Variants in PARD3 observed in about 807,000 individuals in gnomAD.
The protein encoded by PARD3 is par-3 family cell polarity regulator, also known as partitioning defective 3 homolog.
PARD3 carries 75 observed loss-of-function variants against 155.4 expected under a neutral mutation model. That is an observed-to-expected ratio of 0.48 (90% CI 0.40 to 0.58). The LOEUF (loss-of-function observed/expected upper bound fraction) is 0.58, where lower values mean the gene tolerates loss of function less well. Ranked by LOEUF, PARD3 falls within the 20% of genes least tolerant of loss-of-function variation. The probability of loss-of-function intolerance (pLI) is 0.00; values close to 1 mark genes in which losing one functional copy is unlikely to be tolerated. For missense variants in PARD3, 1,642 were observed against 1,721.7 expected (o/e 0.95, Z 0.82); for synonymous variants, 576 against 610.5 (o/e 0.94, Z 0.83).
intron 20 of PARD3, among the ~76,000 whole-genome samples, chr10:34,305,678 T>C (rs1957371767): frequency 6.6e-6 from 1 of 152,236 alleles, no homozygotes; most frequent in Non-Finnish European, 1.5e-5. Context: ...CAGTCTTATG[T>C]AGAGAATACT....
chr10:34,711,855 C>T (rs1378036801), intron 1 of PARD3, among the ~76,000 whole-genome samples: 1 of 152,168 alleles, frequency 6.6e-6, no homozygotes, highest in Non-Finnish European at 1.5e-5. Flanking sequence ...ACCCTTTATC[C>T]TGTCCCTCAG....
intron 1 of PARD3, among the ~76,000 whole-genome samples, chr10:34,808,494 C>A (rs1843679284): frequency 6.6e-6 from 1 of 152,142 alleles, no homozygotes; most frequent in Admixed American, 6.5e-5. Flanking sequence ...GCTCTACTGC[C>A]ATTGACCTTG....
chr10:34,399,026 G>C (rs1843629808), intron 7 of PARD3, among the ~76,000 whole-genome samples: 1 of 152,158 alleles, frequency 6.6e-6, no homozygotes, highest in Non-Finnish European at 1.5e-5. Flanking sequence ...TTCATCTGGA[G>C]TTCTGACTTG....
intron 2 of PARD3, among the ~76,000 whole-genome samples, chr10:34,629,337 T>C (rs2092143220): frequency 6.6e-6 from 1 of 152,226 alleles, no homozygotes. Flanking sequence ...TGATCTCTCT[T>C]TATAGCCCTT....
intron 21 of PARD3, among the ~76,000 whole-genome samples, chr10:34,272,033 C>T (rs538636427): frequency 4.6e-5 from 7 of 152,168 alleles, no homozygotes; most frequent in Non-Finnish European, 8.8e-5. Flanking sequence ...GAAAACTACA[C>T]AATGCTGCAG....
At chr10:34,776,908 C>T (rs1308996574) in intron 1 of PARD3, among the ~76,000 whole-genome samples, 3 of 150,320 alleles carry the variant, frequency 2.0e-5, no homozygotes, top group Non-Finnish European at 2.9e-5. Flanking sequence ...ACAATCTCAG[C>T]TCACTGCAAC....
intron 20 of PARD3, among the ~76,000 whole-genome samples, chr10:34,285,223 T>C (rs916354266): frequency 2.6e-5 from 4 of 152,182 alleles, no homozygotes; most frequent in African/African-American, 9.7e-5. Flanking sequence ...GAGTATTTCT[T>C]TCTGAAGAAT....
intron 1 of PARD3, among the ~76,000 whole-genome samples, chr10:34,807,627 T>C (rs1048690878): frequency 6.6e-6 from 1 of 152,232 alleles, no homozygotes; most frequent in South Asian, 2.1e-4. Flanking sequence ...CTTGCTGCTA[T>C]GAACACTGAT....
intron 2 of PARD3, among the ~76,000 whole-genome samples, chr10:34,552,165 A>G (rs1268530741): frequency 6.6e-6 from 1 of 152,224 alleles, no homozygotes; most frequent in East Asian, 1.9e-4. Flanking sequence ...AAGCTGGAGT[A>G]CAGTGGTAAA....
intron 15 of PARD3, chr10:34,344,738 C>CT (rs1404463797): frequency 4.1e-6 from 4 of 985,306 alleles, no homozygotes; most frequent in Admixed American, 6.1e-5. Flanking sequence ...TGTGGAAATT[C>CT]TGTCAAAAGA....
At chr10:34,598,425 C>T (rs1221869410) in intron 2 of PARD3, among the ~76,000 whole-genome samples, 2 of 152,174 alleles carry the variant, frequency 1.3e-5, no homozygotes, top group Non-Finnish European at 2.9e-5. Context: ...AATAGTCCAC[C>T]CTTGACTTAT....
At chr10:34,451,353 A>G (rs1298083118) in intron 4 of PARD3, among the ~76,000 whole-genome samples, 1 of 152,192 alleles carries the variant, frequency 6.6e-6, no homozygotes, top group African/African-American at 2.4e-5. Flanking sequence ...CACTTAACTC[A>G]GTACACCAAG....
intron 21 of PARD3, among the ~76,000 whole-genome samples, chr10:34,273,628 T>C (rs1347340104): frequency 1.3e-5 from 2 of 152,200 alleles, no homozygotes; most frequent in Admixed American, 6.5e-5. Context: ...ACTACAGTTA[T>C]CTAACTTAAC....
chr10:34,237,130 A>T (rs1425430431), intron 22 of PARD3, among the ~76,000 whole-genome samples: 2 of 152,180 alleles, frequency 1.3e-5, no homozygotes, highest in Non-Finnish European at 2.9e-5. Context: ...TAAACTCTTA[A>T]CCACAGATGA....
chr10:34,604,405 C>A (rs1013017396), intron 2 of PARD3, among the ~76,000 whole-genome samples: 13 of 151,998 alleles, frequency 8.6e-5, no homozygotes, highest in South Asian at 8.3e-4. Context: ...GGCCTAGCCT[C>A]CCAGCCCACA....
chr10:34,152,974 G>A (rs1162322530), intron 22 of PARD3, among the ~76,000 whole-genome samples: 2 of 152,184 alleles, frequency 1.3e-5, no homozygotes, highest in East Asian at 1.9e-4. Context: ...ACATGACAAA[G>A]CTAATAAACT....
intron 14 of PARD3, among the ~76,000 whole-genome samples, chr10:34,349,651 G>A (rs1198209343): frequency 7.2e-6 from 1 of 138,730 alleles, no homozygotes; most frequent in East Asian, 2.3e-4. Flanking sequence ...AACAAGTATG[G>A]TTTTTAAATT....
At chr10:34,762,790 G>A (rs1837624527) in intron 1 of PARD3, among the ~76,000 whole-genome samples, 1 of 152,160 alleles carries the variant, frequency 6.6e-6, no homozygotes, top group Non-Finnish European at 1.5e-5. Flanking sequence ...CAGTGAAGAT[G>A]AGCCATAGAC....
At chr10:34,687,385 T>A (rs1167734632) in intron 2 of PARD3, among the ~76,000 whole-genome samples, 1 of 152,264 alleles carries the variant, frequency 6.6e-6, no homozygotes, top group South Asian at 2.1e-4. Context: ...AGTTTCTTTT[T>A]CTTCCCAACA....
Sources: gnomAD v4.1 joint callset for allele counts (sites outside exome capture counted in the v4.1 genomes callset) on GRCh38, gnomAD v4.1.1 for gene constraint, MANE v1.5 for transcripts, NCBI Gene and HGNC (gene_info 2026-07-23, HGNC 2026-07-21) for gene names.